The following ANKRD36 variants were observed in gnomAD, a reference collection of about 807,000 sequenced individuals.
The protein encoded by ANKRD36 is ankyrin repeat domain 36.
In ANKRD36, 179 loss-of-function variants were observed where a neutral mutation model predicts 278.1. The observed-to-expected ratio is 0.64, with a 90% CI of 0.57 to 0.73. The LOEUF is 0.73. Ranked by LOEUF, ANKRD36 falls within the 30% of genes least tolerant of loss-of-function variation. ANKRD36 has a pLI of 0.00. For synonymous variants in ANKRD36, 320 were observed against 641.1 expected (o/e 0.50, Z 7.57); for missense variants, 1,159 against 1,956.7 (o/e 0.59, Z 7.69).
chr2:97,173,876 G>T (rs56051127), intron 22 of ANKRD36, among the ~76,000 whole-genome samples: 88,219 of 149,698 alleles, frequency 0.59, 30,076 homozygotes, highest in Non-Finnish European at 0.78. Context: ...TTGTTTTTTG[G>T]TTTTTTTTTG....
At position 97,118,409 on chromosome 2, in the gene ANKRD36, T is replaced by C. The variant is rs749765798; in HGVS notation, c.378T>C (p.Ile126=). 3 of 1,607,818 alleles carry C rather than the reference T, an allele frequency of 1.9e-6. 1 individual carries two copies. Among genetic ancestry groups the C allele is most frequent in the South Asian group, 2.2e-5 (2 of 89,492 alleles). ...LLLQNGANPN[I]TDFFGRTALH... Reference sequence around the variant, plus strand: ...TGCAAAATGGCGCCAATCCAAATATTACGGATTTCTTTGGAAGGACTGCTC... The same window carrying C: ...TGCAAAATGGCGCCAATCCAAATATCACGGATTTCTTTGGAAGGACTGCTC... The change falls in exon 3 of 76, where the codon ATT becomes ATC. Residue 126 remains isoleucine (I), a synonymous_variant. Coordinates refer to ENST00000420699, the MANE Select transcript of ANKRD36 (RefSeq NM_001354587.1).
At chr2:97,237,510 T>A (rs2073777010) in intron 68 of ANKRD36, among the ~76,000 whole-genome samples, 1 of 150,400 alleles carries the variant, frequency 6.6e-6, no homozygotes, top group Non-Finnish European at 1.5e-5. Context: ...TAGGCACCCT[T>A]TTACTTTATC....
At chr2:97,175,461 G>C (rs963073684) in intron 22 of ANKRD36, among the ~76,000 whole-genome samples, 36 of 151,688 alleles carry the variant, frequency 2.4e-4, no homozygotes, top group Non-Finnish European at 4.1e-4. Context: ...CTGTGGGATC[G>C]GTGGTGATAT....
At chr2:97,204,554 G>T (rs1201531104) in intron 50 of ANKRD36, among the ~76,000 whole-genome samples, 1 of 151,312 alleles carries the variant, frequency 6.6e-6, no homozygotes, top group Non-Finnish European at 1.5e-5. Context: ...TAATTCTCCA[G>T]CTTGTTTTCA....
At chr2:97,180,613 C>T (rs1423078998) in intron 24 of ANKRD36, among the ~76,000 whole-genome samples, 1 of 151,622 alleles carries the variant, frequency 6.6e-6, no homozygotes. Context: ...TATTAGGCAT[C>T]AGGGACACAT....
intron 52 of ANKRD36, among the ~76,000 whole-genome samples, chr2:97,207,273 G>T (rs2063129385): frequency 6.6e-6 from 1 of 151,496 alleles, no homozygotes; most frequent in Non-Finnish European, 1.5e-5. Context: ...TCAGCAAACA[G>T]ATATCCAAGG....
chr2:97,222,058 T>C (rs1376530419), intron 66 of ANKRD36, among the ~76,000 whole-genome samples: 2 of 151,756 alleles, frequency 1.3e-5, no homozygotes, highest in South Asian at 2.1e-4. Flanking sequence ...TTGCTTGTTT[T>C]TCTCAGGTTT....
At chr2:97,174,860 T>C (rs1354698918) in intron 22 of ANKRD36, among the ~76,000 whole-genome samples, 1 of 151,284 alleles carries the variant, frequency 6.6e-6, no homozygotes, top group Admixed American at 6.6e-5. Flanking sequence ...TGTCAAAGGC[T>C]TTTTCTGCAT....
At position 97,206,095 on chromosome 2, in the gene ANKRD36, T is replaced by C. The variant is rs775552916; in HGVS notation, c.3123T>C (p.Ser1041=). 8 of 1,549,586 alleles carry C rather than the reference T, an allele frequency of 5.2e-6. No homozygotes were observed. In the African/African-American group the frequency reaches 5.5e-5, roughly 11 times the overall value. ...ATSDEEDSVL[S]IARENKDGEK... ...GTGATGAGGAAGATTCTGTTTTGAG[T>C]ATAGCCAGAGAAAACAAGGATGGAG... The change falls in exon 52 of 76, where the codon AGT becomes AGC. Residue 1041 remains serine (S), a synonymous_variant. Coordinates refer to ENST00000420699, the MANE Select transcript of ANKRD36 (RefSeq NM_001354587.1).
chr2:97,207,783 G>A (rs1461328211), intron 52 of ANKRD36, 28 bp from the exon 53 acceptor site: 1 of 1,521,056 alleles, frequency 6.6e-7, no homozygotes, highest in African/African-American at 1.6e-5. Context: ...TTACACATGA[G>A]TGATTATGAA....
Position 97,185,576 on chromosome 2 carries a change from A to G in ANKRD36, c.2041+66A>G, listed in dbSNP as rs539440642. 5 of 1,548,364 alleles carry G rather than the reference A, an allele frequency of 3.2e-6. No homozygotes were observed. In the African/African-American group the frequency reaches 6.8e-5, roughly 21 times the overall value. On this transcript the variant is annotated intron_variant, in intron 30 of 75. Coordinates refer to ENST00000420699, the MANE Select transcript of ANKRD36 (RefSeq NM_001354587.1). ...ATAGAAAAGAACTTCTCTTCCCTGA[A>G]TAAATCAGCGGGGGGCTCGTCAAAG...
chr2:97,216,456 G>A (rs1277539347), intron 62 of ANKRD36, among the ~76,000 whole-genome samples: 1 of 152,084 alleles, frequency 6.6e-6, no homozygotes, highest in Non-Finnish European at 1.5e-5. Flanking sequence ...TTACTTTGTA[G>A]AAGTATGTCA....
chr2:97,194,858 A>G lies in ANKRD36; in HGVS notation c.2492A>G (p.Glu831Gly). ...AATTCCACTCAGGCTACAAGTGATG[A>G]GAAGGATTCTTTTTCGAATATAACC... ...KKPALKATSD[E>G]KDSFSNITRG... The change falls in exon 40 of 76, where the codon GAG becomes GGG. Residue 831 changes from glutamate (E) to glycine (G), a missense_variant. Transcript: ENST00000420699. The G allele has an allele frequency of 2.5e-6, 4 of 1,585,836 alleles. No individual in the cohort carries two copies. The highest frequency in any genetic ancestry group is 3.4e-6 in the Non-Finnish European group (4 of 1,171,088).
chr2:97,180,005 C>G, intron 24 of ANKRD36, 72 bp downstream of exon 24: 1 of 1,591,276 alleles, frequency 6.3e-7, no homozygotes, highest in Non-Finnish European at 8.5e-7. Flanking sequence ...CCAAATAAAT[C>G]AGTGGGGAGT....
At chr2:97,154,911 A>AT (rs1225156215) in intron 15 of ANKRD36, among the ~76,000 whole-genome samples, 170 bp downstream of exon 15, 5 of 143,236 alleles carry the variant, frequency 3.5e-5, no homozygotes, top group South Asian at 2.1e-4. Context: ...GTTAATTTTA[A>AT]TTTTTTTTTA....
At chr2:97,178,103 A>G (rs946034035) in intron 22 of ANKRD36, among the ~76,000 whole-genome samples, 5 of 150,888 alleles carry the variant, frequency 3.3e-5, no homozygotes, top group Admixed American at 6.7e-5. Flanking sequence ...GCCATCAGAG[A>G]AATGCAAATC....
chr2:97,149,177 T>G (rs2045215707), intron 11 of ANKRD36, 118 bp from the exon 12 acceptor site: 1 of 770,410 alleles, frequency 1.3e-6, no homozygotes, highest in Non-Finnish European at 2.1e-6. Context: ...ATAACTGAGT[T>G]TCCTCAGACT....
At chr2:97,230,501 G>A (rs2071573286) in intron 67 of ANKRD36, among the ~76,000 whole-genome samples, 1 of 152,030 alleles carries the variant, frequency 6.6e-6, no homozygotes, top group Non-Finnish European at 1.5e-5. Flanking sequence ...GCTCCTTTAA[G>A]CACTTCTCTG....
At chr2:97,196,483 C>T (rs2059802722) in intron 40 of ANKRD36, 110 bp from the exon 41 acceptor site, 38 of 1,555,866 alleles carry the variant, frequency 2.4e-5, no homozygotes, top group Middle Eastern at 2.3e-4. Flanking sequence ...CCATCAAAGC[C>T]TATGCTAATA....
Sources: allele counts gnomAD v4.1 joint callset (sites outside exome capture counted in the v4.1 genomes callset), GRCh38; gene constraint gnomAD v4.1.1; transcripts MANE v1.5; gene names NCBI Gene and HGNC (gene_info 2026-07-23, HGNC 2026-07-21).